The following PAK1 variants were observed in gnomAD, a reference collection of about 807,000 sequenced individuals.
PAK1 encodes the protein p21 (RAC1) activated kinase 1, also known as serine/threonine-protein kinase PAK 1.
PAK1 carries 29 observed loss-of-function variants against 67.4 expected under a neutral mutation model. That is an observed-to-expected ratio of 0.43 (90% CI 0.32 to 0.59). The LOEUF (loss-of-function observed/expected upper bound fraction) is 0.59. PAK1 is among the 20% of genes least tolerant of loss of function. The pLI, the probability that PAK1 is intolerant of heterozygous loss-of-function variation, is 0.07. For missense variants in PAK1, 337 were observed against 670.7 expected (o/e 0.50, Z 5.50); for synonymous variants, 223 against 237.4 (o/e 0.94, Z 0.56).
At chr11:77,444,286 T>TG (rs1249536767) in intron 1 of PAK1, among the ~76,000 whole-genome samples, 1 of 116,794 alleles carries the variant, frequency 8.6e-6, no homozygotes, top group African/African-American at 3.2e-5. Flanking sequence ...TGGAGAGCTC[T>TG]AAAAAAAAAA....
In PAK1 at chr11:77,454,438, A is replaced by G. The variant is rs939772505; in HGVS notation, c.-22+19114T>C. 4.6e-5 allele frequency among the ~76,000 whole-genome samples: 7 copies of G among 152,244 alleles called. No individual in the cohort carries two copies. In the South Asian group the frequency reaches 6.2e-4, roughly 14 times the overall value. ...CAAGATTCCTCATGAACTGGTCCCT[A>G]TCCGTCTTTCCAGTTTTGAAATGGA... On this transcript the variant is annotated intron_variant, in intron 1 of 14. Coordinates refer to ENST00000356341, the MANE Select transcript of PAK1 (RefSeq NM_002576.5).
intron 1 of PAK1, among the ~76,000 whole-genome samples, chr11:77,443,572 A>G (rs897057780): frequency 1.3e-5 from 2 of 152,190 alleles, no homozygotes; most frequent in African/African-American, 2.4e-5. Flanking sequence ...ATTATTTCCC[A>G]TGTAATACTC....
the PAK1 span, among the ~76,000 whole-genome samples, chr11:77,520,074 G>T: frequency 6.6e-6 from 1 of 150,870 alleles, no homozygotes; most frequent in African/African-American, 2.4e-5. Flanking sequence ...AAAGCCCTGC[G>T]CAGGTTCCCT....
intron 1 of PAK1, among the ~76,000 whole-genome samples, chr11:77,417,417 C>T (rs901484678): frequency 4.6e-5 from 7 of 152,094 alleles, no homozygotes; most frequent in African/African-American, 7.2e-5. Flanking sequence ...TGGAAAAAGG[C>T]TAAACTATAG....
the PAK1 span, among the ~76,000 whole-genome samples, chr11:77,489,424 C>G: frequency 6.8e-6 from 1 of 148,056 alleles, no homozygotes; most frequent in African/African-American, 2.5e-5. Flanking sequence ...TCTCCTCTCT[C>G]TCTCCCCTCT....
chr11:77,346,927 T>C (rs1394099996), intron 9 of PAK1: 1 of 430,318 alleles, frequency 2.3e-6, no homozygotes, highest in Non-Finnish European at 4.6e-6. Context: ...GAAAAATAAT[T>C]GTTGGATATG....
intron 5 of PAK1, among the ~76,000 whole-genome samples, chr11:77,362,256 G>T (rs1318275306): frequency 6.6e-6 from 1 of 152,164 alleles, no homozygotes; most frequent in Non-Finnish European, 1.5e-5. Flanking sequence ...AAACTTCTTT[G>T]TAACTACTTT....
chr11:77,356,269 T>C (rs566245628), intron 6 of PAK1: 77 of 155,290 alleles, frequency 5.0e-4, no homozygotes, highest in Non-Finnish European at 8.4e-4. Flanking sequence ...TCCCCTTCAT[T>C]TGTAATATTT....
chr11:77,372,390 C>G (rs1405436624), intron 5 of PAK1, among the ~76,000 whole-genome samples: 1 of 152,156 alleles, frequency 6.6e-6, no homozygotes, highest in Non-Finnish European at 1.5e-5. Flanking sequence ...TTATCATCTA[C>G]AAGGATAATA....
rs1464987080 is a variant in PAK1, at chr11:77,379,520, T to C, written c.292-132A>G. 5.2e-6 allele frequency: 4 copies of C among 773,680 alleles called. No homozygotes were observed. The Admixed American group carries it at 1.2e-4, about 22-fold the overall frequency. 47.9% of individuals were successfully genotyped at this position (773,680 alleles called of 1,614,324 possible). On this transcript the variant is annotated intron_variant, in intron 3 of 14. Coordinates refer to ENST00000356341, the MANE Select transcript of PAK1 (RefSeq NM_002576.5). ...TAGTCATTCCTTTCTCTCTATACTC[T>C]CAGAGTTTACACAAGCCTCTTTTAT...
Position 77,460,701 on chromosome 11 carries a change from T to G in PAK1, c.-22+12851A>C, listed in dbSNP as rs115690262. Reference sequence around the variant, plus strand: ...GACCATGGGAAACAATCTAAAAACATGTGGAGGAGCAAGCGAAGAAGAGAT... The same window carrying G: ...GACCATGGGAAACAATCTAAAAACAGGTGGAGGAGCAAGCGAAGAAGAGAT... On this transcript the variant is annotated intron_variant, in intron 1 of 14. Coordinates refer to ENST00000356341, the MANE Select transcript of PAK1 (RefSeq NM_002576.5). Among the ~76,000 whole-genome samples the G allele has an allele frequency of 3.1e-3, 469 of 152,024 alleles. 4 individuals carry two copies. Among genetic ancestry groups the G allele is most frequent in the African/African-American group, 0.011 (438 of 41,452 alleles).
intron 9 of PAK1, chr11:77,347,207 G>C: frequency 2.5e-6 from 1 of 399,790 alleles, no homozygotes; most frequent in South Asian, 1.9e-5. Flanking sequence ...CCTCTGGCCA[G>C]CTTCTCACAC....
chr11:77,434,383 T>C (rs1273438948), intron 1 of PAK1, among the ~76,000 whole-genome samples: 1 of 151,694 alleles, frequency 6.6e-6, no homozygotes, highest in Non-Finnish European at 1.5e-5. Flanking sequence ...TATTTAGCAA[T>C]AAAATGAAAA....
rs780271453 is a variant in PAK1, at chr11:77,355,752, T to C, written c.688A>G (p.Thr230Ala). 2.5e-5 allele frequency: 41 copies of C among 1,612,910 alleles called. No individual in the cohort carries two copies. Among genetic ancestry groups the C allele is most frequent in the Admixed American group, 3.3e-5 (2 of 59,962 alleles). Reference protein sequence around the residue: ...SPISPTENNTTPPDALTRNTE... With the variant: ...SPISPTENNTAPPDALTRNTE... The stretch of plus-strand genomic sequence containing the variant: ...TTCCGGGTCAAAGCATCTGGTGGAG[T>C]GGTGTTATTTTCAGTAGGTGAAATG... The change falls in exon 7 of 15, where the codon ACT becomes GCT. Residue 230 changes from threonine to alanine, a missense_variant. Around this residue, in one of 8 missense-constraint regions of PAK1, gnomAD observed 150 missense variants for 179.0 expected, o/e 0.84. Transcript: ENST00000356341.
intron 1 of PAK1, among the ~76,000 whole-genome samples, chr11:77,456,293 A>T (rs1957074613): frequency 6.6e-6 from 1 of 152,222 alleles, no homozygotes; most frequent in Non-Finnish European, 1.5e-5. Flanking sequence ...CAAAGATCAA[A>T]GACACAACAT....
At chr11:77,351,688 A>T (rs906834862) in intron 8 of PAK1, among the ~76,000 whole-genome samples, 5 of 152,138 alleles carry the variant, frequency 3.3e-5, no homozygotes, top group African/African-American at 4.8e-5. Context: ...AATGCTGTAT[A>T]AACAGAACCT....
At chr11:77,502,717 G>A in the PAK1 span, among the ~76,000 whole-genome samples, 2 of 152,108 alleles carry the variant, frequency 1.3e-5, no homozygotes, top group South Asian at 2.1e-4. Context: ...CTATGAACTC[G>A]CCAGCAGCTG....
At chr11:77,501,155 A>AACAAAAAAC in the PAK1 span, among the ~76,000 whole-genome samples, 1 of 148,572 alleles carries the variant, frequency 6.7e-6, no homozygotes, top group Non-Finnish European at 1.5e-5. Context: ...CGTCTCAAAA[A>AACAAAAAAC]AAAAAACAAA....
chr11:77,372,395 A>T, intron 5 of PAK1, among the ~76,000 whole-genome samples: 1 of 152,192 alleles, frequency 6.6e-6, no homozygotes, highest in Non-Finnish European at 1.5e-5. Context: ...ATCTACAAGG[A>T]TAATAACTTA....
Sources: gnomAD v4.1 joint callset for allele counts (sites outside exome capture counted in the v4.1 genomes callset) on GRCh38, gnomAD v4.1.1 for gene constraint, gnomAD v4.1.1 regional missense constraint, MANE v1.5 for transcripts, NCBI Gene and HGNC (gene_info 2026-07-23, HGNC 2026-07-21) for gene names.